The following UBR3 variants were observed in gnomAD, a reference collection of about 807,000 sequenced individuals.
UBR3 encodes ubiquitin protein ligase E3 component n-recognin 3.
UBR3 carries 85 observed loss-of-function variants against 243.2 expected under a neutral mutation model. The observed-to-expected ratio is 0.35, with a 90% CI of 0.29 to 0.42. UBR3 has a LOEUF of 0.42. UBR3 is among the 10% of genes least tolerant of loss of function. The pLI, the probability that UBR3 is intolerant of heterozygous loss-of-function variation, is 1.00. For synonymous variants in UBR3, 748 were observed against 799.8 expected, an observed-to-expected ratio of 0.94 and a Z score of 1.09; for missense variants, 1,686 against 2,300.8, an observed-to-expected ratio of 0.73 and a Z score of 5.47.
At chr2:169,865,411 A>T (rs1269665467) in intron 1 of UBR3, among the ~76,000 whole-genome samples, 1 of 152,176 alleles carries the variant, frequency 6.6e-6, no homozygotes, top group Non-Finnish European at 1.5e-5. Context: ...TGCCGTACTG[A>T]CACTAGTTCC....
At chr2:169,883,452 A>G (rs947558698) in intron 5 of UBR3, among the ~76,000 whole-genome samples, 4 of 152,344 alleles carry the variant, frequency 2.6e-5, no homozygotes, top group African/African-American at 9.6e-5. Context: ...CCTTTTTGTT[A>G]TAAACGAGTT....
At chr2:169,888,647 G>GA (rs1259279567) in intron 5 of UBR3, among the ~76,000 whole-genome samples, 2 of 152,160 alleles carry the variant, frequency 1.3e-5, no homozygotes, top group African/African-American at 2.4e-5. Flanking sequence ...TAAAGGTTAT[G>GA]ATTCCACCTC....
intron 8 of UBR3, among the ~76,000 whole-genome samples, chr2:169,901,679 CAGCGATA>C (rs1363128263): frequency 2.0e-5 from 3 of 152,148 alleles, no homozygotes; most frequent in African/African-American, 4.8e-5. Flanking sequence ...AATTTGGCCA[CAGCGATA>C]GCTGAAGACT....
chr2:170,068,175 T>C (rs917900340), intron 35 of UBR3, among the ~76,000 whole-genome samples: 1 of 152,114 alleles, frequency 6.6e-6, no homozygotes, highest in Non-Finnish European at 1.5e-5. Flanking sequence ...AAATACTTTA[T>C]TTGAAAAAAG....
chr2:170,030,590 G>A (rs757080100), intron 31 of UBR3, among the ~76,000 whole-genome samples: 12 of 151,748 alleles, frequency 7.9e-5, no homozygotes, highest in Non-Finnish European at 1.2e-4. Context: ...GTATAGCCTC[G>A]ATTATGTTTT....
At chr2:169,864,906 CAAAAAAAAAAA>C (rs11336906) in intron 1 of UBR3, among the ~76,000 whole-genome samples, 5 of 64,834 alleles carry the variant, frequency 7.7e-5, no homozygotes, top group Non-Finnish European at 8.9e-5. Flanking sequence ...GACTCCGTCT[CAAAAAAAAAAA>C]AAAAAAAAAA....
intron 19 of UBR3, among the ~76,000 whole-genome samples, chr2:169,936,341 G>A (rs932597714): frequency 6.6e-6 from 1 of 152,096 alleles, no homozygotes. Context: ...TTACAGGCGT[G>A]AACCACCGTG....
chr2:169,845,447 G>GGT, intron 1 of UBR3, among the ~76,000 whole-genome samples: 1 of 138,218 alleles, frequency 7.2e-6, no homozygotes, highest in East Asian at 2.1e-4. Flanking sequence ...GAAATTTTGA[G>GGT]TTTTTTTTTT....
At chr2:169,934,524 C>G (rs1299430855) in intron 19 of UBR3, among the ~76,000 whole-genome samples, 1 of 152,182 alleles carries the variant, frequency 6.6e-6, no homozygotes, top group East Asian at 1.9e-4. Flanking sequence ...ACATGAGCCA[C>G]CGTGCCTGGC....
intron 29 of UBR3, among the ~76,000 whole-genome samples, chr2:170,010,883 G>T (rs1272545746): frequency 2.0e-5 from 3 of 147,528 alleles, no homozygotes; most frequent in Non-Finnish European, 4.5e-5. Context: ...AGAAAACAAA[G>T]GCTGGGCATG....
intron 31 of UBR3, among the ~76,000 whole-genome samples, chr2:170,038,628 T>C (rs888336183): frequency 1.3e-5 from 2 of 152,168 alleles, no homozygotes; most frequent in African/African-American, 4.8e-5. Flanking sequence ...GCCAATTAAA[T>C]ACGGGGTGAG....
At chr2:169,985,746 C>T (rs986255052) in intron 24 of UBR3, among the ~76,000 whole-genome samples, 2 of 151,690 alleles carry the variant, frequency 1.3e-5, no homozygotes, top group Admixed American at 6.6e-5. Context: ...GGTTACTGTC[C>T]CTTTTCCTCT....
intron 27 of UBR3, among the ~76,000 whole-genome samples, chr2:170,005,681 G>A (rs751448881): frequency 6.6e-6 from 1 of 152,184 alleles, no homozygotes; most frequent in Non-Finnish European, 1.5e-5. Context: ...ATGGTAACAG[G>A]TGCTGGAGTA....
intron 1 of UBR3, among the ~76,000 whole-genome samples, chr2:169,851,090 T>C (rs552462126): frequency 1.6e-4 from 25 of 152,298 alleles, no homozygotes; most frequent in Non-Finnish European, 3.2e-4. Context: ...ATTTTTGATA[T>C]GGTTTTATTA....
chr2:169,870,961 T>C (rs1197636766), intron 1 of UBR3, among the ~76,000 whole-genome samples: 1 of 150,854 alleles, frequency 6.6e-6, no homozygotes, highest in African/African-American at 2.4e-5. Context: ...GCCAAAACTG[T>C]CTTTAAAAAA....
At chr2:169,953,125 G>T (rs1054509603) in intron 23 of UBR3, among the ~76,000 whole-genome samples, 5 of 152,092 alleles carry the variant, frequency 3.3e-5, no homozygotes, top group African/African-American at 4.8e-5. Flanking sequence ...CTTTTACAAA[G>T]GCCCTGATGC....
At chr2:169,876,247 A>T (rs2083603050) in intron 3 of UBR3, among the ~76,000 whole-genome samples, 1 of 151,802 alleles carries the variant, frequency 6.6e-6, no homozygotes, top group African/African-American at 2.4e-5. Flanking sequence ...CGCCCAGCTA[A>T]TTTTTTGTAT....
intron 24 of UBR3, among the ~76,000 whole-genome samples, chr2:169,977,921 T>G (rs1305098824): frequency 6.6e-6 from 1 of 152,216 alleles, no homozygotes; most frequent in African/African-American, 2.4e-5. Context: ...CTTGTGGAAT[T>G]GTTGTGTCTT....
intron 1 of UBR3, among the ~76,000 whole-genome samples, chr2:169,861,294 T>G (rs988761518): frequency 6.7e-6 from 1 of 149,166 alleles, no homozygotes; most frequent in African/African-American, 2.4e-5. Flanking sequence ...GTTGCAAACC[T>G]TTTTTCCTAC....
Sources: gnomAD v4.1 joint callset for allele counts (sites outside exome capture counted in the v4.1 genomes callset) on GRCh38, gnomAD v4.1.1 for gene constraint, MANE v1.5 for transcripts, NCBI Gene and HGNC (gene_info 2026-07-23, HGNC 2026-07-21) for gene names.